PRKN: variants seen among roughly 807,000 people sequenced by gnomAD.
The protein encoded by PRKN is parkin RBR E3 ubiquitin protein ligase.
In PRKN, 56 loss-of-function variants were observed where a neutral mutation model predicts 59.5. The observed-to-expected ratio is 0.94, with a 90% confidence interval of 0.76 to 1.18. PRKN has a LOEUF of 1.18. PRKN is among the 50% of genes most tolerant of loss of function. The pLI is 0.00. For synonymous variants in PRKN, 250 were observed against 222.1 expected (o/e 1.13, Z -1.12); for missense variants, 657 against 596.4 (o/e 1.10, Z -1.06).
intron 7 of PRKN, among the ~76,000 whole-genome samples, chr6:161,647,419 C>T (rs1783997497): frequency 6.6e-6 from 1 of 152,144 alleles, no homozygotes; most frequent in African/African-American, 2.4e-5. Flanking sequence ...GAGCAGCCAT[C>T]GTGCAGAGTG....
intron 3 of PRKN, among the ~76,000 whole-genome samples, chr6:162,244,124 T>C (rs1272162495): frequency 1.3e-5 from 2 of 152,130 alleles, no homozygotes; most frequent in Admixed American, 6.5e-5. Flanking sequence ...ATTGCTAGAT[T>C]TGTCATTCTG....
chr6:161,499,345 C>G lies in PRKN; in HGVS notation c.1083+49509G>C, dbSNP rs766796665. Among the ~76,000 whole-genome samples the G allele has an allele frequency of 2.6e-5, 4 of 152,176 alleles. No individual in the cohort carries two copies. Among genetic ancestry groups the G allele is most frequent in the Non-Finnish European group, 4.4e-5 (3 of 68,026 alleles). On this transcript the variant is annotated intron_variant, in intron 9 of 11. Transcript: ENST00000366898. This position sits in a 1 kb window ranked among gnomAD's most constrained non-coding sequence, Gnocchi z 4.2. ...AGGGAAATATTTCTGTCCCATGTCT[C>G]TATCAAAAGTGGGAAAGGGCTGTGT...
At chr6:162,400,456 T>TA (rs750247669) in intron 2 of PRKN, among the ~76,000 whole-genome samples, 21,268 of 54,712 alleles carry the variant, frequency 0.39, 1,768 homozygotes, top group Non-Finnish European at 0.4. Flanking sequence ...CATGTAAATA[T>TA]CAAAAAAAAA....
chr6:161,613,088 A>G (rs1022776855), intron 7 of PRKN, among the ~76,000 whole-genome samples: 9 of 152,112 alleles, frequency 5.9e-5, no homozygotes, highest in Non-Finnish European at 1.3e-4. Context: ...TACACTGAAA[A>G]CCTTCTGGAA....
intron 6 of PRKN, among the ~76,000 whole-genome samples, chr6:161,945,145 A>G (rs968383835): frequency 6.6e-6 from 1 of 152,130 alleles, no homozygotes; most frequent in Admixed American, 6.5e-5. Flanking sequence ...TGAAATGGAG[A>G]GAAAGCCTTA....
intron 4 of PRKN, among the ~76,000 whole-genome samples, chr6:162,174,016 C>G (rs758642914): frequency 1.3e-5 from 2 of 152,104 alleles, no homozygotes; most frequent in African/African-American, 2.4e-5. Flanking sequence ...ATATCCTGCT[C>G]TATGCGTAAT....
chr6:161,374,423 A>C lies in PRKN; in HGVS notation c.1167+12371T>G, dbSNP rs371852910. ...GTGTATGTTTATGTGTGTGTGGTGCATATGTGTGGTGTGTGTGATGGGTGT... is the reference window on the plus strand; with the variant it reads ...GTGTATGTTTATGTGTGTGTGGTGCCTATGTGTGGTGTGTGTGATGGGTGT... On this transcript the variant is annotated intron_variant, in intron 10 of 11. Transcript: ENST00000366898. Among the ~76,000 whole-genome samples the C allele has an allele frequency of 4.9e-3, 707 of 143,638 alleles. 6 individuals are homozygous for C. Among genetic ancestry groups the C allele is most frequent in the African/African-American group, 0.018 (677 of 38,254 alleles). 94.2% of individuals were successfully genotyped at this position (143,638 alleles called of 152,430 possible).
At chr6:161,890,277 C>T (rs1246334305) in intron 6 of PRKN, among the ~76,000 whole-genome samples, 1 of 152,144 alleles carries the variant, frequency 6.6e-6, no homozygotes, top group Non-Finnish European at 1.5e-5. Context: ...TTCTCTTTGC[C>T]AACCTCCTTG....
At chr6:162,034,859 T>A (rs887657387) in intron 5 of PRKN, among the ~76,000 whole-genome samples, 3 of 152,240 alleles carry the variant, frequency 2.0e-5, no homozygotes, top group Non-Finnish European at 4.4e-5. Flanking sequence ...TTCAAATTGC[T>A]GGTCCATGAG....
In PRKN at chr6:161,546,623, C is replaced by T. The variant is rs2078207087; in HGVS notation, c.1083+2231G>A. Among the ~76,000 whole-genome samples the T allele has an allele frequency of 6.6e-6, 1 of 151,932 alleles. No homozygotes were observed. Among genetic ancestry groups the T allele is most frequent in the South Asian group, 2.1e-4 (1 of 4,814 alleles). On this transcript the variant is annotated intron_variant, in intron 9 of 11. Transcript: ENST00000366898. This position sits in a 1 kb window ranked among gnomAD's most constrained non-coding sequence, Gnocchi z 4.4. ...TTTTTCAGCTTCTTCAAATTGCAAA[C>T]TGTGGTGGTTTAAAATACGTTCATA...
chr6:161,996,240 T>C (rs1012630052), intron 5 of PRKN, among the ~76,000 whole-genome samples: 8 of 152,096 alleles, frequency 5.3e-5, no homozygotes, highest in East Asian at 1.9e-4. Context: ...AATCCTATGC[T>C]TGCAGAAACC....
At chr6:162,260,924 T>G (rs368982108) in intron 3 of PRKN, among the ~76,000 whole-genome samples, 1 of 152,076 alleles carries the variant, frequency 6.6e-6, no homozygotes, top group Non-Finnish European at 1.5e-5. Flanking sequence ...ATAGTAAATA[T>G]AGGGTTTGGT....
At chr6:162,719,883 C>A (rs1455599467) in intron 1 of PRKN, among the ~76,000 whole-genome samples, 3 of 142,492 alleles carry the variant, frequency 2.1e-5, no homozygotes, top group African/African-American at 5.2e-5. Context: ...AGAGGGAGTG[C>A]AGGTAGATGT....
rs185616648 is a variant in PRKN, at chr6:162,224,104, C to A, written c.413-22852G>T. Among the ~76,000 whole-genome samples, 3 of 151,608 alleles carry A rather than the reference C, an allele frequency of 2.0e-5. No individual in the cohort carries two copies. In the East Asian group the frequency reaches 5.8e-4, roughly 29 times the overall value. On this transcript the variant is annotated intron_variant, in intron 3 of 11. Coordinates refer to ENST00000366898, the MANE Select transcript of PRKN (RefSeq NM_004562.3). ...CCCAAAAAGATTTTTTTTTCCTTTT[C>A]TTATCTCTTAACGATATTTTATTTG...
intron 7 of PRKN, among the ~76,000 whole-genome samples, chr6:161,706,377 C>T (rs1647696198): frequency 6.6e-6 from 1 of 152,172 alleles, no homozygotes; most frequent in African/African-American, 2.4e-5. Context: ...GGTCTTGTGC[C>T]CACCAAGGTG....
chr6:162,712,337 C>A (rs1162705865), intron 1 of PRKN, among the ~76,000 whole-genome samples: 1 of 152,090 alleles, frequency 6.6e-6, no homozygotes, highest in Non-Finnish European at 1.5e-5. Context: ...CATCTGATAA[C>A]CTTAAATAAT....
At chr6:161,981,942 T>C (rs1327944952) in intron 5 of PRKN, among the ~76,000 whole-genome samples, 1 of 152,100 alleles carries the variant, frequency 6.6e-6, no homozygotes, top group Non-Finnish European at 1.5e-5. Flanking sequence ...AGAAAGAAAA[T>C]CAATATACTC....
At chr6:161,879,127 C>T (rs1583290542) in intron 6 of PRKN, among the ~76,000 whole-genome samples, 2 of 152,198 alleles carry the variant, frequency 1.3e-5, no homozygotes, top group Admixed American at 1.3e-4. Flanking sequence ...AGCGATTCTC[C>T]GTTAAGTTAG....
chr6:161,679,519 C>T (rs576203213), intron 7 of PRKN, among the ~76,000 whole-genome samples: 1 of 151,286 alleles, frequency 6.6e-6, no homozygotes, highest in Admixed American at 6.6e-5. Context: ...AGGTACTTCC[C>T]GCTTGGGCTC....
Sources: gnomAD v4.1 joint callset for allele counts (sites outside exome capture counted in the v4.1 genomes callset) on GRCh38, gnomAD v4.1.1 for gene constraint, Gnocchi (gnomAD v3.1) non-coding constraint, MANE v1.5 for transcripts, NCBI Gene and HGNC (gene_info 2026-07-23, HGNC 2026-07-21) for gene names.